The following SLC35F4 variants were observed in gnomAD, a reference collection of about 807,000 sequenced individuals.
The protein encoded by SLC35F4 is solute carrier family 35 member F4.
A neutral mutation model predicts 44.2 loss-of-function variants in SLC35F4; 24 were observed. The ratio of observed to expected loss-of-function variants is 0.54; its 90% confidence interval spans 0.39 to 0.76. The LOEUF (loss-of-function observed/expected upper bound fraction) is 0.76. SLC35F4 is among the 30% of genes least tolerant of loss of function. The pLI is 0.00. For missense variants in SLC35F4, 562 were observed against 586.1 expected (o/e 0.96, Z 0.42); for synonymous variants, 238 against 223.6 (o/e 1.06, Z -0.57).
intron 1 of SLC35F4, among the ~76,000 whole-genome samples, chr14:57,615,908 G>A (rs1053407971): frequency 6.6e-6 from 1 of 152,162 alleles, no homozygotes; most frequent in Non-Finnish European, 1.5e-5. Context: ...CTAGGGCTCA[G>A]TAGCTGGTTT....
intron 1 of SLC35F4, among the ~76,000 whole-genome samples, chr14:57,674,434 T>G (rs2074622512): frequency 6.6e-6 from 1 of 152,160 alleles, no homozygotes; most frequent in Non-Finnish European, 1.5e-5. Context: ...CACAGCAGCT[T>G]TATTTATAAC....
At chr14:57,815,320 G>T (rs1882438744) in intron 1 of SLC35F4, among the ~76,000 whole-genome samples, 1 of 152,282 alleles carries the variant, frequency 6.6e-6, no homozygotes, top group South Asian at 2.1e-4. Context: ...TCCTTGAATT[G>T]TCGACATGAT....
chr14:57,957,460 T>C (rs946438004), intron 1 of SLC35F4, among the ~76,000 whole-genome samples: 4 of 151,878 alleles, frequency 2.6e-5, no homozygotes, highest in Non-Finnish European at 5.9e-5. Flanking sequence ...ATGAATGGAT[T>C]CCATATATAC....
downstream of SLC35F4, among the ~76,000 whole-genome samples, chr14:57,974,750 AAGG>A (rs1386788094): frequency 6.6e-6 from 1 of 152,204 alleles, no homozygotes; most frequent in Non-Finnish European, 1.5e-5. Context: ...AAATCTGTAA[AAGG>A]AGGATAGGAA....
At chr14:57,881,565 G>A (rs774309022) in intron 1 of SLC35F4, among the ~76,000 whole-genome samples, 53 of 152,204 alleles carry the variant, frequency 3.5e-4, no homozygotes, top group African/African-American at 1.1e-3. Flanking sequence ...TTATCAGAAA[G>A]GGTTTTTGTA....
intron 1 of SLC35F4, among the ~76,000 whole-genome samples, chr14:57,809,942 GT>G (rs1454372835): frequency 6.6e-6 from 1 of 152,084 alleles, no homozygotes; most frequent in Non-Finnish European, 1.5e-5. Flanking sequence ...CATAAAACTT[GT>G]TTTTTTCCAC....
chr14:57,848,547 A>T (rs761787771), intron 1 of SLC35F4, among the ~76,000 whole-genome samples: 8 of 152,226 alleles, frequency 5.3e-5, no homozygotes, highest in Non-Finnish European at 1.2e-4. Context: ...AGCCCAGCTG[A>T]TTAACGGTAG....
At chr14:57,569,417 T>G (rs769493174) in intron 6 of SLC35F4, among the ~76,000 whole-genome samples, 3 of 152,180 alleles carry the variant, frequency 2.0e-5, no homozygotes, top group Admixed American at 6.5e-5. Flanking sequence ...TCTGAGTTCT[T>G]TGAATGCACC....
intron 1 of SLC35F4, among the ~76,000 whole-genome samples, chr14:57,827,629 T>C (rs1951003): frequency 0.49 from 74,253 of 151,920 alleles, 20,743 homozygotes; most frequent in African/African-American, 0.76. Context: ...ACATAGAATT[T>C]TGCAGCAAGT....
At chr14:57,966,353 T>A (rs966207713) in intron 1 of SLC35F4, among the ~76,000 whole-genome samples, 4 of 152,258 alleles carry the variant, frequency 2.6e-5, no homozygotes, top group African/African-American at 9.6e-5. Flanking sequence ...GGGAATTCTG[T>A]AATATATCTT....
At chr14:57,718,303 C>T (rs1355284146) in intron 1 of SLC35F4, among the ~76,000 whole-genome samples, 1 of 150,856 alleles carries the variant, frequency 6.6e-6, no homozygotes, top group South Asian at 2.1e-4. Flanking sequence ...CTGCAACAAA[C>T]ATGGGAGTGC....
At chr14:57,751,134 G>T (rs1594958556) in intron 1 of SLC35F4, among the ~76,000 whole-genome samples, 1 of 152,168 alleles carries the variant, frequency 6.6e-6, no homozygotes. Flanking sequence ...ACTACATAAA[G>T]TACATATAAT....
At chr14:57,567,591 A>G (rs1009039322) in intron 6 of SLC35F4, among the ~76,000 whole-genome samples, 1 of 152,218 alleles carries the variant, frequency 6.6e-6, no homozygotes, top group African/African-American at 2.4e-5. Flanking sequence ...TGTTCATACA[A>G]TAGTGGCAAG....
At chr14:57,717,585 G>A (rs373688649) in intron 1 of SLC35F4, among the ~76,000 whole-genome samples, 4 of 152,172 alleles carry the variant, frequency 2.6e-5, no homozygotes, top group South Asian at 4.1e-4. Context: ...GCAGTGAGCC[G>A]AGATCGCGCC....
chr14:57,866,957 A>AAAAAATAATAAT (rs1555398880), upstream of SLC35F4, among the ~76,000 whole-genome samples: 1 of 136,060 alleles, frequency 7.3e-6, no homozygotes, highest in Non-Finnish European at 1.6e-5. Flanking sequence ...AGCTTCCTGC[A>AAAAAATAATAAT]AATAATAATA....
Position 57,715,168 on chromosome 14 carries a change from GA to G in SLC35F4, c.104-121045del, listed in dbSNP as rs368398549. Among the ~76,000 whole-genome samples, 566 of 151,932 alleles carry G rather than the reference GA, an allele frequency of 3.7e-3. 2 individuals carry two copies. The highest frequency in any genetic ancestry group is 5.3e-3 in the Non-Finnish European group (361 of 67,926). On this transcript the variant is annotated intron_variant, in intron 1 of 7. Transcript: ENST00000556826. ...AACCCAGTCTGCAGGGTTATAGGGG[GA>G]AAAAAAAGGCAAATGGCAGCGCAGT... is the stretch of plus-strand genomic sequence containing the variant.
At position 57,863,021 on chromosome 14, in the gene SLC35F4, T is replaced by A. The variant is rs72624731; in HGVS notation, c.103+2702A>T. ...GTAACCACACTATGCATTAATCATC[T>A]TTTTTAAAAAAAATGTTTAAATAAA... On this transcript the variant is annotated intron_variant, in intron 1 of 7. Transcript: ENST00000556826. Among the ~76,000 whole-genome samples, 3,561 of 146,670 alleles carry A rather than the reference T, an allele frequency of 0.024. 444 individuals are homozygous for A. The East Asian group carries it at 0.4, about 17-fold the overall frequency.
chr14:57,619,291 C>T (rs1464890673), intron 1 of SLC35F4, among the ~76,000 whole-genome samples: 4 of 152,156 alleles, frequency 2.6e-5, no homozygotes, highest in Non-Finnish European at 5.9e-5. Context: ...TACAGGAGTG[C>T]TCTGGCTGGC....
At chr14:57,848,905 A>G (rs1038260743) in intron 1 of SLC35F4, among the ~76,000 whole-genome samples, 2 of 152,186 alleles carry the variant, frequency 1.3e-5, no homozygotes, top group South Asian at 4.2e-4. Context: ...CTTGGGGAGC[A>G]AGGGGAACCA....
Sources: gnomAD v4.1 joint callset for allele counts (sites outside exome capture counted in the v4.1 genomes callset) on GRCh38, gnomAD v4.1.1 for gene constraint, MANE v1.5 for transcripts, NCBI Gene and HGNC (gene_info 2026-07-23, HGNC 2026-07-21) for gene names.